The following GRID2 variants were observed in gnomAD, a reference collection of about 807,000 sequenced individuals.
GRID2 encodes glutamate ionotropic receptor delta type subunit 2, also known as glutamate receptor ionotropic, delta-2.
Under a neutral mutation model 114.8 loss-of-function variants are expected in GRID2, and 33 were observed. The observed-to-expected ratio is 0.29, with a 90% CI of 0.22 to 0.38. GRID2 has a LOEUF of 0.38. Ranked by LOEUF, GRID2 falls within the 10% of genes least tolerant of loss-of-function variation. The probability of loss-of-function intolerance (pLI) is 1.00; values close to 1 mark genes in which losing one functional copy is unlikely to be tolerated. For synonymous variants in GRID2, 505 were observed against 449.9 expected (o/e 1.12, Z -1.55); for missense variants, 1,184 against 1,257.7 (o/e 0.94, Z 0.89).
At chr4:92,804,977 T>G (rs951994784) in intron 2 of GRID2, among the ~76,000 whole-genome samples, 2 of 152,042 alleles carry the variant, frequency 1.3e-5, no homozygotes, top group African/African-American at 4.8e-5. Flanking sequence ...ACTCCATTGC[T>G]AATACTTATA....
At chr4:92,727,179 C>G (rs1291506390) in intron 2 of GRID2, among the ~76,000 whole-genome samples, 1 of 151,898 alleles carries the variant, frequency 6.6e-6, no homozygotes. Flanking sequence ...CATGTACTTA[C>G]TAAATGTGAA....
chr4:92,647,680 T>C (rs1731718529), intron 2 of GRID2, among the ~76,000 whole-genome samples: 1 of 149,714 alleles, frequency 6.7e-6, no homozygotes, highest in African/African-American at 2.5e-5. Flanking sequence ...GAAATTTTCC[T>C]TAGTTGATTG....
At chr4:92,894,003 A>C (rs1011183785) in intron 2 of GRID2, among the ~76,000 whole-genome samples, 1 of 152,006 alleles carries the variant, frequency 6.6e-6, no homozygotes, top group Non-Finnish European at 1.5e-5. Flanking sequence ...ATAATTAATT[A>C]CCTAGAGTGT....
At chr4:93,751,576 G>T (rs1188683413) in intron 14 of GRID2, among the ~76,000 whole-genome samples, 1 of 152,140 alleles carries the variant, frequency 6.6e-6, no homozygotes, top group African/African-American at 2.4e-5. Context: ...TGCTTCCTGT[G>T]CAGCTGTGAA....
At chr4:93,217,063 CT>C (rs1267403184) in intron 6 of GRID2, 152 bp downstream of exon 6, 2 of 504,704 alleles carry the variant, frequency 4.0e-6, no homozygotes, top group African/African-American at 3.8e-5. Flanking sequence ...GGAGAAAGTG[CT>C]AAGAATTTGC....
chr4:92,904,469 T>C (rs970972548), intron 2 of GRID2, among the ~76,000 whole-genome samples: 1 of 151,918 alleles, frequency 6.6e-6, no homozygotes, highest in African/African-American at 2.4e-5. Flanking sequence ...ACTGTGAGTT[T>C]GGATATTGCT....
intron 8 of GRID2, among the ~76,000 whole-genome samples, chr4:93,362,837 G>T (rs557445732): frequency 6.6e-6 from 1 of 152,210 alleles, no homozygotes; most frequent in South Asian, 2.1e-4. Flanking sequence ...ACTCTTATGA[G>T]TGTACTCTTA....
At position 93,769,411 on chromosome 4, in the gene GRID2, G is replaced by C; in HGVS notation, c.2562G>C (p.Trp854Cys). ...GCTTCATAGCCATGCTGGAGACGTG[G>C]TGGAACAAGAGGAAAGGCTCCCGGG... is the stretch of plus-strand genomic sequence containing the variant. ...LSCFIAMLET[W>C]WNKRKGSRVP... Residue 854 changes from tryptophan (W) to cysteine (C), a missense_variant, in exon 15 of 16, where the codon TGG becomes TGC. Physicochemically the swap from Trp to Cys is radical, Grantham distance 215. Coordinates refer to ENST00000282020, the MANE Select transcript of GRID2 (RefSeq NM_001510.4). 6.2e-7 allele frequency: 1 copy of C among 1,613,980 alleles called. No individual in the cohort carries two copies. The highest frequency in any genetic ancestry group is 1.7e-4 in the Middle Eastern group (1 of 6,046).
At chr4:92,777,782 C>T (rs1738882450) in intron 2 of GRID2, among the ~76,000 whole-genome samples, 1 of 150,490 alleles carries the variant, frequency 6.6e-6, no homozygotes, top group Admixed American at 6.6e-5. Context: ...AAGTGGCCAT[C>T]TGCAAGCTGA....
At chr4:93,085,681 C>G (rs1346663525) in intron 3 of GRID2, among the ~76,000 whole-genome samples, 1 of 152,068 alleles carries the variant, frequency 6.6e-6, no homozygotes, top group Non-Finnish European at 1.5e-5. Flanking sequence ...GAAAATTTAC[C>G]TCTTTCTATT....
intron 13 of GRID2, among the ~76,000 whole-genome samples, chr4:93,523,777 C>T (rs981979269): frequency 6.6e-6 from 1 of 152,074 alleles, no homozygotes; most frequent in African/African-American, 2.4e-5. Flanking sequence ...GCATTGCTTC[C>T]CACAGCTGAG....
chr4:93,495,610 G>A (rs1317668624), intron 12 of GRID2, among the ~76,000 whole-genome samples: 1 of 151,790 alleles, frequency 6.6e-6, no homozygotes, highest in Non-Finnish European at 1.5e-5. Context: ...TATCTCTGGA[G>A]AGGAGGACAT....
chr4:92,770,867 T>C (rs1443638467), intron 2 of GRID2, among the ~76,000 whole-genome samples: 1 of 152,192 alleles, frequency 6.6e-6, no homozygotes, highest in Non-Finnish European at 1.5e-5. Context: ...TATCCCCTGG[T>C]CTGATTTTTC....
chr4:93,136,301 A>G (rs1735247575), intron 4 of GRID2, among the ~76,000 whole-genome samples: 1 of 149,844 alleles, frequency 6.7e-6, no homozygotes, highest in South Asian at 2.1e-4. Context: ...AAGAATGCTA[A>G]CCTCTTGGAT....
At chr4:93,444,156 G>C (rs1395624395) in intron 10 of GRID2, among the ~76,000 whole-genome samples, 1 of 151,904 alleles carries the variant, frequency 6.6e-6, no homozygotes. Flanking sequence ...AAATACATTA[G>C]AAAAGGAAAA....
chr4:92,408,771 C>T (rs1242952780), intron 1 of GRID2, among the ~76,000 whole-genome samples: 1 of 151,672 alleles, frequency 6.6e-6, no homozygotes, highest in Non-Finnish European at 1.5e-5. Context: ...TGATTTGGTT[C>T]TCAGCTAGAA....
intron 2 of GRID2, among the ~76,000 whole-genome samples, chr4:92,725,597 G>T (rs77340918): frequency 6.6e-6 from 1 of 152,052 alleles, no homozygotes; most frequent in Admixed American, 6.6e-5. Flanking sequence ...TCAAGGAAGC[G>T]TCAGTTTGTA....
At chr4:92,888,466 T>A (rs912019208) in intron 2 of GRID2, among the ~76,000 whole-genome samples, 10 of 152,100 alleles carry the variant, frequency 6.6e-5, no homozygotes, top group South Asian at 4.1e-4. Context: ...GTCACACATG[T>A]TAAACCTTGA....
At chr4:93,109,103 A>C (rs1475320447) in intron 3 of GRID2, among the ~76,000 whole-genome samples, 1 of 152,086 alleles carries the variant, frequency 6.6e-6, no homozygotes, top group African/African-American at 2.4e-5. Flanking sequence ...ATCAAATTTA[A>C]CCCTTTGCTT....
Sources: allele counts gnomAD v4.1 joint callset (sites outside exome capture counted in the v4.1 genomes callset), GRCh38; gene constraint gnomAD v4.1.1; transcripts MANE v1.5; gene names NCBI Gene and HGNC (gene_info 2026-07-23, HGNC 2026-07-21).